The following ABTB3 variants were observed in gnomAD, a reference collection of about 807,000 sequenced individuals.
The protein encoded by ABTB3 is ankyrin repeat and BTB domain containing 3.
the ABTB3 span, among the ~76,000 whole-genome samples, chr12:107,439,046 G>A: frequency 1.3e-5 from 2 of 152,170 alleles, no homozygotes; most frequent in Non-Finnish European, 2.9e-5. Flanking sequence ...TAACAGCCAT[G>A]GAAGTGTGGC....
chr12:107,637,783 ATT>A, the ABTB3 span, among the ~76,000 whole-genome samples: 590 of 102,430 alleles, frequency 5.8e-3, 9 homozygotes, highest in African/African-American at 0.024. Flanking sequence ...GAGAGCACTG[ATT>A]TTGTGTGTGT....
At chr12:107,432,981 AAC>A in the ABTB3 span, among the ~76,000 whole-genome samples, 1 of 152,168 alleles carries the variant, frequency 6.6e-6, no homozygotes, top group South Asian at 2.1e-4. Flanking sequence ...GGGCAGGGTT[AAC>A]ACATTCAAGA....
At chr12:107,580,240 T>C in the ABTB3 span, among the ~76,000 whole-genome samples, 1 of 152,220 alleles carries the variant, frequency 6.6e-6, no homozygotes, top group East Asian at 1.9e-4. Context: ...CCTATACCAA[T>C]TAAATCAGAA....
the ABTB3 span, chr12:107,520,094 C>A: frequency 2.8e-6 from 1 of 358,984 alleles, no homozygotes; most frequent in Non-Finnish European, 3.9e-6. Flanking sequence ...AGACTATTCC[C>A]CCAGGGCACT....
At chr12:107,329,804 A>G in the ABTB3 span, among the ~76,000 whole-genome samples, 4 of 152,348 alleles carry the variant, frequency 2.6e-5, no homozygotes, top group African/African-American at 7.2e-5. Flanking sequence ...GACTGTTTCT[A>G]TAGGCACTGT....
chr12:107,644,506 A>AGAATACCTGGAGAAG, the ABTB3 span, among the ~76,000 whole-genome samples: 2 of 152,214 alleles, frequency 1.3e-5, no homozygotes, highest in Non-Finnish European at 2.9e-5. Context: ...AGCAGCTCTC[A>AGAATACCTGGAGAAG]GAATACCTGG....
At chr12:107,513,660 C>A in the ABTB3 span, among the ~76,000 whole-genome samples, 1 of 152,184 alleles carries the variant, frequency 6.6e-6, no homozygotes. Context: ...ACTAATATAG[C>A]ATCCCTGTCC....
the ABTB3 span, among the ~76,000 whole-genome samples, chr12:107,355,049 C>A: frequency 6.6e-6 from 1 of 152,192 alleles, no homozygotes; most frequent in Non-Finnish European, 1.5e-5. Flanking sequence ...GGAGTGCCTG[C>A]TTTTATTGCC....
chr12:107,617,154 A>G, the ABTB3 span: 1 of 1,614,108 alleles, frequency 6.2e-7, no homozygotes, highest in Non-Finnish European at 8.5e-7. Context: ...ACTACTCGGA[A>G]ACACCCCTCC....
chr12:107,593,895 G>C, the ABTB3 span, among the ~76,000 whole-genome samples: 2 of 152,154 alleles, frequency 1.3e-5, no homozygotes, highest in Admixed American at 1.3e-4. Flanking sequence ...GATTGCACAC[G>C]TCACTTCCCC....
chr12:107,553,078 G>C, the ABTB3 span, among the ~76,000 whole-genome samples: 1 of 152,130 alleles, frequency 6.6e-6, no homozygotes, highest in Non-Finnish European at 1.5e-5. Flanking sequence ...CTGTGAACAA[G>C]AAATAATAAT....
chr12:107,519,116 C>G, the ABTB3 span, among the ~76,000 whole-genome samples: 1 of 152,122 alleles, frequency 6.6e-6, no homozygotes, highest in African/African-American at 2.4e-5. Context: ...GAGTAACTAA[C>G]ATCCCCACTC....
At chr12:107,413,865 G>C in the ABTB3 span, among the ~76,000 whole-genome samples, 1 of 152,234 alleles carries the variant, frequency 6.6e-6, no homozygotes. Flanking sequence ...AAAGGCACTA[G>C]GTTAGACAAA....
chr12:107,615,189 C>T, the ABTB3 span: 2 of 1,574,866 alleles, frequency 1.3e-6, no homozygotes, highest in Non-Finnish European at 1.7e-6. Flanking sequence ...CTATCCACAT[C>T]TGACTTTTGA....
chr12:107,502,749 A>G, the ABTB3 span, among the ~76,000 whole-genome samples: 1 of 152,188 alleles, frequency 6.6e-6, no homozygotes, highest in East Asian at 1.9e-4. Flanking sequence ...TACAAACCCT[A>G]CTAGGAAGTG....
At chr12:107,527,278 CT>C in the ABTB3 span, among the ~76,000 whole-genome samples, 23,616 of 150,114 alleles carry the variant, frequency 0.16, 2,193 homozygotes, top group Admixed American at 0.25. Context: ...AGAGTTGAAA[CT>C]TTTTTTTTTG....
At chr12:107,522,603 A>G in the ABTB3 span, among the ~76,000 whole-genome samples, 2 of 151,762 alleles carry the variant, frequency 1.3e-5, no homozygotes, top group African/African-American at 2.4e-5. Flanking sequence ...TATATAGAAT[A>G]TAGTAGAAAC....
chr12:107,414,322 G>A, the ABTB3 span, among the ~76,000 whole-genome samples: 4 of 152,116 alleles, frequency 2.6e-5, no homozygotes, highest in African/African-American at 7.2e-5. Flanking sequence ...TCTACAGAAC[G>A]TGATGCTTTA....
chr12:107,420,244 A>T, the ABTB3 span, among the ~76,000 whole-genome samples: 5 of 152,032 alleles, frequency 3.3e-5, no homozygotes, highest in Non-Finnish European at 5.9e-5. Context: ...TGACCACACC[A>T]TCTCTCCTAA....
Sources: allele counts gnomAD v4.1 joint callset (sites outside exome capture counted in the v4.1 genomes callset), GRCh38; gene constraint gnomAD v4.1.1; transcripts MANE v1.5; gene names NCBI Gene and HGNC (gene_info 2026-07-23, HGNC 2026-07-21).